Variants in SLC24A3 observed in about 807,000 individuals in gnomAD.
SLC24A3 encodes solute carrier family 24 member 3, also known as sodium/potassium/calcium exchanger 3.
SLC24A3 carries 28 observed loss-of-function variants against 75.8 expected under a neutral mutation model. The observed-to-expected ratio is 0.37, with a 90% confidence interval of 0.27 to 0.51. The LOEUF (loss-of-function observed/expected upper bound fraction) is 0.51. Among genes scored for constraint, SLC24A3 ranks in the 20% least tolerant of loss-of-function variants. SLC24A3 has a pLI of 0.94. For synonymous variants in SLC24A3, 372 were observed against 334.1 expected, an observed-to-expected ratio of 1.11 and a Z score of -1.24; for missense variants, 663 against 847.8, an observed-to-expected ratio of 0.78 and a Z score of 2.71.
At chr20:19,298,040 T>G (rs1984100666) in intron 2 of SLC24A3, among the ~76,000 whole-genome samples, 2 of 152,104 alleles carry the variant, frequency 1.3e-5, no homozygotes, top group African/African-American at 4.8e-5. Flanking sequence ...GCTAAGAAGG[T>G]GGGGGAATGG....
intron 5 of SLC24A3, 148 bp downstream of exon 5, chr20:19,585,203 CT>C: frequency 1.3e-6 from 1 of 782,886 alleles, no homozygotes; most frequent in Non-Finnish European, 2.0e-6. Flanking sequence ...AGCCTCCCAT[CT>C]GCCGTTGTTG....
At chr20:19,591,227 G>A (rs1289288683) in intron 6 of SLC24A3, among the ~76,000 whole-genome samples, 1 of 152,146 alleles carries the variant, frequency 6.6e-6, no homozygotes, top group East Asian at 1.9e-4. Flanking sequence ...CAAAACGTGT[G>A]TCTTGCTTGT....
At chr20:19,485,859 G>A (rs530862993) in intron 2 of SLC24A3, among the ~76,000 whole-genome samples, 92 of 152,266 alleles carry the variant, frequency 6.0e-4, no homozygotes, top group Non-Finnish European at 1.1e-3. Context: ...TCTAGACAAC[G>A]GGAACAATTA....
At chr20:19,583,866 C>T (rs1055706856) in intron 4 of SLC24A3, among the ~76,000 whole-genome samples, 1 of 151,596 alleles carries the variant, frequency 6.6e-6, no homozygotes, top group Non-Finnish European at 1.5e-5. Context: ...TGTGAAGCTT[C>T]GCTGTCCAGC....
intron 6 of SLC24A3, among the ~76,000 whole-genome samples, chr20:19,594,990 G>C (rs912630048): frequency 6.6e-6 from 1 of 152,116 alleles, no homozygotes; most frequent in African/African-American, 2.4e-5. Context: ...ACTCTGATTT[G>C]GTGCAGTTTT....
chr20:19,611,280 TGCCTTTTTCTCA>T (rs1286276458), intron 6 of SLC24A3, among the ~76,000 whole-genome samples: 2 of 152,244 alleles, frequency 1.3e-5, no homozygotes, highest in African/African-American at 2.4e-5. Context: ...CTCACTTCTC[TGCCTTTTTCTCA>T]GTCATTAGAG....
intron 2 of SLC24A3, among the ~76,000 whole-genome samples, chr20:19,443,051 T>C (rs1987322232): frequency 6.6e-6 from 1 of 152,200 alleles, no homozygotes; most frequent in African/African-American, 2.4e-5. Context: ...TTAGTCTGTC[T>C]TTGCTTTCAG....
intron 1 of SLC24A3, chr20:19,243,944 G>A (rs1431255898): frequency 6.6e-6 from 1 of 152,150 alleles, no homozygotes; most frequent in Non-Finnish European, 1.5e-5. Flanking sequence ...CACGACCACT[G>A]GAGGTTTCCA....
intron 2 of SLC24A3, among the ~76,000 whole-genome samples, chr20:19,368,309 A>G (rs975018429): frequency 2.0e-5 from 3 of 152,216 alleles, no homozygotes; most frequent in African/African-American, 7.2e-5. Flanking sequence ...CAGAGAGAAC[A>G]TGGGGCAGAC....
intron 9 of SLC24A3, 132 bp from the exon 10 acceptor site, chr20:19,681,726 A>G: frequency 7.1e-7 from 1 of 1,400,914 alleles, no homozygotes; most frequent in Non-Finnish European, 9.9e-7. Flanking sequence ...TGAGAAAATT[A>G]GAACACTAAT....
At position 19,488,042 on chromosome 20, in the gene SLC24A3, G is replaced by T. The variant is rs562360842; in HGVS notation, c.272-27446G>T. Among the ~76,000 whole-genome samples the T allele has an allele frequency of 4.6e-5, 7 of 152,330 alleles. No homozygotes were observed. In the South Asian group the frequency reaches 1.4e-3, roughly 32 times the overall value. ...GTTGATGTTACCACATCCCAAATAG[G>T]CCCTTATGGACCTCCTTCCCCAGAA... is the stretch of plus-strand genomic sequence containing the variant. On this transcript the variant is annotated intron_variant, in intron 2 of 16. Transcript: ENST00000328041.
At position 19,464,677 on chromosome 20, in the gene SLC24A3, A is replaced by T. The variant is rs555184895; in HGVS notation, c.272-50811A>T. Among the ~76,000 whole-genome samples, 11 of 152,392 alleles carry T rather than the reference A, an allele frequency of 7.2e-5. 1 individual carries two copies. In the South Asian group the frequency reaches 2.1e-3, roughly 29 times the overall value. On this transcript the variant is annotated intron_variant, in intron 2 of 16. Coordinates refer to ENST00000328041, the MANE Select transcript of SLC24A3 (RefSeq NM_020689.4). ...CAATCATAGCACAGTCTACATACAGAGTACATTTGTCTCAGCAATTTAAAG... is the reference window on the plus strand; with the variant it reads ...CAATCATAGCACAGTCTACATACAGTGTACATTTGTCTCAGCAATTTAAAG...
chr20:19,672,637 T>C (rs1021620034), intron 8 of SLC24A3, among the ~76,000 whole-genome samples: 8 of 152,190 alleles, frequency 5.3e-5, no homozygotes, highest in Admixed American at 3.3e-4. Flanking sequence ...GTGCCCAGCC[T>C]GCATAATCAT....
chr20:19,624,471 CAT>C (rs2122679631), intron 6 of SLC24A3, among the ~76,000 whole-genome samples: 1 of 152,312 alleles, frequency 6.6e-6, no homozygotes, highest in South Asian at 2.1e-4. Context: ...TTATTTCTCA[CAT>C]GTCTTTCATT....
chr20:19,214,268 C>T (rs1005218918), intron 1 of SLC24A3, among the ~76,000 whole-genome samples: 6 of 152,122 alleles, frequency 3.9e-5, no homozygotes, highest in African/African-American at 7.2e-5. Context: ...CTCTCCATTG[C>T]TCTCCTGGAT....
At chr20:19,282,973 C>T (rs1166538527) in intron 2 of SLC24A3, among the ~76,000 whole-genome samples, 1 of 152,118 alleles carries the variant, frequency 6.6e-6, no homozygotes, top group Non-Finnish European at 1.5e-5. Flanking sequence ...ATAAAAAGAA[C>T]GTGAACCCGG....
chr20:19,366,455 T>G (rs1334550727), intron 2 of SLC24A3, among the ~76,000 whole-genome samples: 1 of 152,230 alleles, frequency 6.6e-6, no homozygotes, highest in Non-Finnish European at 1.5e-5. Context: ...TAGTTCTCCA[T>G]GTAATGGGCT....
At chr20:19,719,866 G>A (rs902554243) in intron 16 of SLC24A3, among the ~76,000 whole-genome samples, 3 of 152,154 alleles carry the variant, frequency 2.0e-5, no homozygotes, top group Admixed American at 6.5e-5. Flanking sequence ...TGACTCCAGC[G>A]AGTGTGGGTG....
chr20:19,518,597 G>A (rs2122561546), intron 3 of SLC24A3, among the ~76,000 whole-genome samples: 1 of 152,344 alleles, frequency 6.6e-6, no homozygotes, highest in African/African-American at 2.4e-5. Context: ...TCTAGAGAGA[G>A]CAGAAACCAA....
Sources: gnomAD v4.1 joint callset for allele counts (sites outside exome capture counted in the v4.1 genomes callset) on GRCh38, gnomAD v4.1.1 for gene constraint, MANE v1.5 for transcripts, NCBI Gene and HGNC (gene_info 2026-07-23, HGNC 2026-07-21) for gene names.